The following DGCR8 variants were observed in gnomAD, a reference collection of about 807,000 sequenced individuals.
DGCR8 encodes the protein DGCR8 microprocessor complex subunit.
DGCR8 carries 14 observed loss-of-function variants against 78.5 expected under a neutral mutation model. That is an observed-to-expected ratio of 0.18 (90% CI 0.12 to 0.28). The LOEUF (loss-of-function observed/expected upper bound fraction) is 0.28. Ranked by LOEUF, DGCR8 falls within the 10% of genes least tolerant of loss-of-function variation. The pLI is 1.00. For synonymous variants in DGCR8, 399 were observed against 402.4 expected, an observed-to-expected ratio of 0.99 and a Z score of 0.10; for missense variants, 702 against 1,022.5, an observed-to-expected ratio of 0.69 and a Z score of 4.28.
At position 20,090,058 on chromosome 22, in the gene DGCR8, A is replaced by T. The variant is rs758512752; in HGVS notation, c.1106A>T (p.Asp369Val). ...AACGAGGAACGGGAGCAAAGCAGTGACCTCACCCCTAGTGGGGATGTGTCC... is the reference window on the plus strand; with the variant it reads ...AACGAGGAACGGGAGCAAAGCAGTGTCCTCACCCCTAGTGGGGATGTGTCC... ...KDNEEREQSSDLTPSGDVSPV... is the reference protein window; with the variant it reads ...KDNEEREQSSVLTPSGDVSPV... Residue 369 changes from aspartate to valine, a missense_variant, in exon 5 of 14, where the codon GAC (aspartate) becomes GTC (valine). By Grantham distance (152) the Asp-to-Val change is radical. Transcript: ENST00000351989. 1.2e-6 allele frequency: 2 copies of T among 1,614,152 alleles called. No homozygotes were observed. Among genetic ancestry groups the T allele is most frequent in the Non-Finnish European group, 1.7e-6 (2 of 1,180,030 alleles).
chr22:20,081,081 C>T (rs1251387321), intron 1 of DGCR8, among the ~76,000 whole-genome samples: 1 of 152,230 alleles, frequency 6.6e-6, no homozygotes, highest in African/African-American at 2.4e-5. Context: ...AACCCTGCTG[C>T]AGGCCTTCAC....
intron 9 of DGCR8, among the ~76,000 whole-genome samples, chr22:20,104,393 T>G (rs1435589871): frequency 6.6e-6 from 1 of 151,824 alleles, no homozygotes; most frequent in Non-Finnish European, 1.5e-5. Flanking sequence ...GGTCTCGATC[T>G]CCTGACCTCG....
intron 1 of DGCR8, among the ~76,000 whole-genome samples, chr22:20,082,034 G>A (rs912336273): frequency 6.6e-6 from 1 of 151,336 alleles, no homozygotes; most frequent in African/African-American, 2.4e-5. Flanking sequence ...TGGACACAGA[G>A]TGATTCTTCT....
intron 10 of DGCR8, 69 bp downstream of exon 10, chr22:20,106,346 T>C: frequency 7.4e-7 from 1 of 1,348,786 alleles, no homozygotes; most frequent in East Asian, 2.3e-5. Context: ...CTCATATTCT[T>C]GTGGCTGTTT....
chr22:20,095,684 A>G (rs1243654483), intron 9 of DGCR8, among the ~76,000 whole-genome samples: 1 of 152,090 alleles, frequency 6.6e-6, no homozygotes, highest in African/African-American at 2.4e-5. Context: ...GGGGGCGGGG[A>G]TGGTTTCAGG....
chr22:20,095,669 T>G (rs2147928170), intron 9 of DGCR8, among the ~76,000 whole-genome samples: 1 of 152,208 alleles, frequency 6.6e-6, no homozygotes, highest in Admixed American at 6.5e-5. Flanking sequence ...CCACAGACGG[T>G]GTTGGGGGGC....
intron 3 of DGCR8, among the ~76,000 whole-genome samples, chr22:20,088,177 CATGTTGCTGCCT>C (rs2049511819): frequency 6.6e-6 from 1 of 152,132 alleles, no homozygotes; most frequent in African/African-American, 2.4e-5. Context: ...CCAGGTGCCA[CATGTTGCTGCCT>C]ATGTCGTGTT....
intron 1 of DGCR8, chr22:20,080,595 A>C: frequency 4.7e-6 from 3 of 637,774 alleles, no homozygotes; most frequent in Non-Finnish European, 5.9e-6. Context: ...CCCCGGGCCC[A>C]GGCGTTGCCG....
In DGCR8 at chr22:20,080,392, G is replaced by C; in HGVS notation, c.-278+9G>C. On this transcript the variant is annotated intron_variant, in intron 1 of 13. Coordinates refer to ENST00000351989, the MANE Select transcript of DGCR8 (RefSeq NM_022720.7). ...GCCCGCGGGCGCCTCAGGTAGGTGCGGGGCGCGAGGGGCGCCCGCGGGCGG... is the reference window on the plus strand; with the variant it reads ...GCCCGCGGGCGCCTCAGGTAGGTGCCGGGCGCGAGGGGCGCCCGCGGGCGG... 1.2e-6 allele frequency: 1 copy of C among 839,126 alleles called. No homozygotes were observed. The highest frequency in any genetic ancestry group is 1.3e-6 in the Non-Finnish European group (1 of 764,400). 52.0% of individuals were successfully genotyped at this position (839,126 alleles called of 1,614,324 possible). A position where few individuals can be genotyped will look rare whatever the true frequency, so the allele number is the denominator to read the frequency against.
intron 11 of DGCR8, chr22:20,106,983 C>T: frequency 1.7e-6 from 1 of 575,712 alleles, no homozygotes; most frequent in African/African-American, 1.9e-5. Context: ...AATCCTGCTG[C>T]TCCCTGTTTC....
intron 7 of DGCR8, among the ~76,000 whole-genome samples, chr22:20,092,199 C>G (rs1263568743): frequency 2.0e-5 from 3 of 152,170 alleles, no homozygotes; most frequent in Non-Finnish European, 4.4e-5. Flanking sequence ...CCACCTTCCT[C>G]TTGTCCTGCC....
At chr22:20,081,503 G>A (rs999443478) in intron 1 of DGCR8, among the ~76,000 whole-genome samples, 2 of 152,314 alleles carry the variant, frequency 1.3e-5, no homozygotes, top group South Asian at 2.1e-4. Flanking sequence ...AGCCCTTTGC[G>A]GCCAGGCGCT....
intron 1 of DGCR8, among the ~76,000 whole-genome samples, chr22:20,083,780 C>T (rs868627685): frequency 1.3e-5 from 2 of 152,042 alleles, no homozygotes; most frequent in South Asian, 4.2e-4. Context: ...GCGCATTGAC[C>T]CCTCGGTCTG....
chr22:20,100,919 G>C (rs1213664372), intron 9 of DGCR8: 1 of 825,538 alleles, frequency 1.2e-6, no homozygotes, highest in Admixed American at 6.2e-5. Context: ...GCAAATGGGG[G>C]CCCCTGCCAC....
In DGCR8 at chr22:20,086,006, G is replaced by C; in HGVS notation, c.43G>C (p.Ala15Pro). Residue 15 changes from alanine to proline, a missense_variant, in exon 2 of 14, where the codon GCA becomes CCA. By Grantham distance (27) the Ala-to-Pro change is conservative. Around this residue, in one of 4 missense-constraint regions of DGCR8, gnomAD observed 356 missense variants for 448.9 expected, o/e 0.79. Coordinates refer to ENST00000351989, the MANE Select transcript of DGCR8 (RefSeq NM_022720.7). This position sits in a 1 kb window ranked among gnomAD's most constrained non-coding sequence, Gnocchi z 6.4. ...ESPSPLPCGP[A>P]GEAVMESRAR... ...CCCCTCTCCGCTCCCGTGTGGGCCC[G>C]CAGGAGAAGCGGTGATGGAGAGCCG... 6.2e-7 allele frequency: 1 copy of C among 1,610,298 alleles called. No homozygotes were observed. Among genetic ancestry groups the C allele is most frequent in the Non-Finnish European group, 8.5e-7 (1 of 1,177,972 alleles).
chr22:20,080,633 G>C (rs2049407374), intron 1 of DGCR8: 1 of 345,942 alleles, frequency 2.9e-6, no homozygotes. Flanking sequence ...CCCGGGTAAA[G>C]AGGCTCCTCT....
chr22:20,111,220 AG>A lies in DGCR8; in HGVS notation c.*1115del, dbSNP rs1602502024. ...TGTTCCTGCCGGAGTCTGAGGCACCAGGGTGTGCTCAAAGGCTGGCCCTGGT... is the reference window on the plus strand; with the variant it reads ...TGTTCCTGCCGGAGTCTGAGGCACCAGGTGTGCTCAAAGGCTGGCCCTGGT... On this transcript the variant is annotated 3_prime_UTR_variant, in exon 14 of 14. Transcript: ENST00000351989. 1 of 398,868 alleles carries A rather than the reference AG, an allele frequency of 2.5e-6. No homozygotes were observed. Among genetic ancestry groups the A allele is most frequent in the East Asian group, 3.6e-5 (1 of 28,070 alleles). The allele number at this position is 398,868 out of a possible 1,614,324, so 24.7% of individuals were successfully genotyped here.
chr22:20,100,946 C>A, intron 9 of DGCR8: 2 of 597,846 alleles, frequency 3.3e-6, no homozygotes, highest in Non-Finnish European at 4.2e-6. Context: ...CAGGACCCCT[C>A]CTCGTGCTTG....
intron 9 of DGCR8, chr22:20,101,110 C>T (rs972785461): frequency 1.7e-5 from 13 of 784,308 alleles, no homozygotes; most frequent in African/African-American, 3.8e-5. Flanking sequence ...GTGGTGGGGT[C>T]GTTTTGAATC....
Sources: gnomAD v4.1 joint callset for allele counts (sites outside exome capture counted in the v4.1 genomes callset) on GRCh38, gnomAD v4.1.1 for gene constraint, gnomAD v4.1.1 regional missense constraint, Gnocchi (gnomAD v3.1) non-coding constraint, MANE v1.5 for transcripts, NCBI Gene and HGNC (gene_info 2026-07-23, HGNC 2026-07-21) for gene names.